Variants in HEXB observed in about 807,000 individuals in gnomAD.
HEXB encodes hexosaminidase subunit beta.
In HEXB, 51 loss-of-function variants were observed where a neutral mutation model predicts 71.2. That is an observed-to-expected ratio of 0.72 (90% CI 0.57 to 0.90). HEXB has a LOEUF of 0.90. Among genes scored for constraint, HEXB ranks in the 40% least tolerant of loss-of-function variants. The probability of loss-of-function intolerance (pLI) is 0.00; values close to 1 mark genes in which losing one functional copy is unlikely to be tolerated. For synonymous variants in HEXB, 266 were observed against 249.3 expected (o/e 1.07, Z -0.63); for missense variants, 617 against 677.0 (o/e 0.91, Z 0.98).
chr5:74,685,663 A>C (rs2112123461), intron 1 of HEXB, 104 bp downstream of exon 1: 3 of 1,032,664 alleles, frequency 2.9e-6, no homozygotes, highest in South Asian at 1.8e-5. Context: ...CAGACGAGAA[A>C]CCGCCTGGGA....
chr5:74,713,465 T>C (rs758874528), intron 6 of HEXB, 41 bp from the exon 7 acceptor site: 4 of 1,598,050 alleles, frequency 2.5e-6, no homozygotes, highest in Admixed American at 1.7e-5. Context: ...GGATCAAATC[T>C]ACGTTGTACA....
Position 74,661,005 on chromosome 5 carries a change from G to A in HEXB, c.-377+20447G>A, listed in dbSNP as rs1748308083. Reference sequence around the variant, plus strand: ...GGAACATGGCAACAAGAAATCCATGGGTCAGTGAGAGAGAGAGAGAGAGAG... The same window carrying A: ...GGAACATGGCAACAAGAAATCCATGAGTCAGTGAGAGAGAGAGAGAGAGAG... On this transcript the variant is annotated intron_variant, in intron 1 of 13. Coordinates refer to the HEXB transcript ENST00000511181. Among the ~76,000 whole-genome samples the A allele has an allele frequency of 2.0e-5, 3 of 152,094 alleles. 1 individual carries two copies. In the South Asian group the frequency reaches 6.2e-4, roughly 32 times the overall value.
chr5:74,676,674 G>A lies in HEXB; in HGVS notation c.-376-12654G>A, dbSNP rs183348364. ...CCAGCTACTCGGGAGGCTGAGGCAG[G>A]GGTAGTGCCTGAACCTGGGAGGCGG... On this transcript the variant is annotated intron_variant, in intron 1 of 13. Transcript: ENST00000511181. Among the ~76,000 whole-genome samples, 84 of 152,182 alleles carry A rather than the reference G, an allele frequency of 5.5e-4. 1 individual carries two copies. The highest frequency in any genetic ancestry group is 1.5e-3 in the Admixed American group (23 of 15,294).
chr5:74,705,788 A>C, intron 6 of HEXB: 1 of 202,078 alleles, frequency 4.9e-6, no homozygotes, highest in South Asian at 8.3e-5. Context: ...AATTGACTGT[A>C]TCATGGACCA....
At chr5:74,643,875 C>A (rs1747952977) in intron 1 of HEXB, among the ~76,000 whole-genome samples, 1 of 152,216 alleles carries the variant, frequency 6.6e-6, no homozygotes, top group African/African-American at 2.4e-5. Context: ...ATGTTCCCTG[C>A]TGGTATTCCA....
chr5:74,642,053 T>C (rs1747905934), intron 1 of HEXB, among the ~76,000 whole-genome samples: 1 of 151,970 alleles, frequency 6.6e-6, no homozygotes. Context: ...CGATTTAAAC[T>C]GGCTAAGGAG....
chr5:74,681,177 C>T (rs116024379), upstream of HEXB, among the ~76,000 whole-genome samples: 1,403 of 152,260 alleles, frequency 9.2e-3, 17 homozygotes, highest in African/African-American at 0.031. Flanking sequence ...TGTCTGGCAC[C>T]TTGTTGTTGG....
intron 1 of HEXB, among the ~76,000 whole-genome samples, chr5:74,678,632 AT>A (rs1188061756): frequency 4.6e-5 from 7 of 152,154 alleles, no homozygotes; most frequent in Non-Finnish European, 8.8e-5. Flanking sequence ...AAAAAAGGGA[AT>A]TTTTATCATC....
Position 74,720,727 on chromosome 5 carries a change from G to GCAC in HEXB, c.1595_1597dup (p.His532dup). 1 of 1,613,824 alleles carries GCAC rather than the reference G, an allele frequency of 6.2e-7. No individual in the cohort carries two copies. The highest frequency in any genetic ancestry group is 8.5e-7 in the Non-Finnish European group (1 of 1,179,718). ...ATGACGCCTATGACAGACTGACAAGGCACCGCTGCAGGATGGTCGAGTAAG... is the reference window on the plus strand; with the variant it reads ...ATGACGCCTATGACAGACTGACAAGGCACCACCGCTGCAGGATGGTCGAGTAAG... On this transcript the variant is annotated inframe_insertion, in exon 13 of 14. Coordinates refer to ENST00000261416, the MANE Select transcript of HEXB (RefSeq NM_000521.4).
At position 74,697,002 on chromosome 5, in the gene HEXB, A is replaced by G. The variant is rs762123301; in HGVS notation, c.565A>G (p.Ile189Val). Reference sequence around the variant, plus strand: ...AAATTTTATTTTGTCATAGTTCACCATCAATGAATCCACCATTATTGATTC... The same window carrying G: ...AAATTTTATTTTGTCATAGTTCACCGTCAATGAATCCACCATTATTGATTC... ...VYQDSYGTFT[I>V]NESTIIDSPR... The change falls in exon 5 of 14, where the codon ATC becomes GTC. Residue 189 changes from isoleucine (I) to valine (V), a missense_variant. Transcript: ENST00000261416. The G allele has an allele frequency of 7.8e-6, 12 of 1,533,526 alleles. No homozygotes were observed. In the Admixed American group the frequency reaches 8.3e-5, roughly 11 times the overall value. The allele number at this position is 1,533,526 out of a possible 1,614,324, so 95.0% of individuals were successfully genotyped here.
chr5:74,674,924 C>T (rs1284622971), intron 1 of HEXB, among the ~76,000 whole-genome samples: 1 of 152,130 alleles, frequency 6.6e-6, no homozygotes, highest in Non-Finnish European at 1.5e-5. Flanking sequence ...CTCTTTTCCT[C>T]ATTTCCCATA....
At chr5:74,649,519 T>A (rs1748064443) in intron 1 of HEXB, among the ~76,000 whole-genome samples, 1 of 152,254 alleles carries the variant, frequency 6.6e-6, no homozygotes. Context: ...GCTTAACCAC[T>A]GAACTACATT....
chr5:74,705,343 T>C (rs766938061), intron 6 of HEXB, 23 bp downstream of exon 6: 2 of 1,256,910 alleles, frequency 1.6e-6, no homozygotes, highest in African/African-American at 1.5e-5. Flanking sequence ...TATTGTACTC[T>C]GTCTACAAAA....
chr5:74,699,124 G>C (rs56329974), intron 5 of HEXB, among the ~76,000 whole-genome samples: 3 of 152,054 alleles, frequency 2.0e-5, no homozygotes, highest in Non-Finnish European at 4.4e-5. Flanking sequence ...AGGGAGGTTG[G>C]AGTGAGCCAA....
intron 1 of HEXB, among the ~76,000 whole-genome samples, chr5:74,678,084 G>C (rs973961032): frequency 2.6e-5 from 4 of 152,084 alleles, no homozygotes; most frequent in African/African-American, 9.7e-5. Flanking sequence ...ATCACCTGAG[G>C]TCAGGAGTTC....
intron 2 of HEXB, among the ~76,000 whole-genome samples, chr5:74,690,038 A>C (rs1016980795): frequency 7.9e-5 from 12 of 152,132 alleles, no homozygotes; most frequent in African/African-American, 2.9e-4. Flanking sequence ...ATCTGTATCC[A>C]TGATCTCTAT....
upstream of HEXB, chr5:74,685,181 T>A: frequency 7.2e-7 from 1 of 1,389,890 alleles, no homozygotes. Flanking sequence ...GCGGCCGCGC[T>A]TCCTCTGATC....
chr5:74,658,986 C>T lies in HEXB; in HGVS notation c.-377+18428C>T, dbSNP rs1580363039. On this transcript the variant is annotated intron_variant, in intron 1 of 13. Transcript: ENST00000511181. ...GGTATATCCCCACACCATGAGAAGACTGGAGCTTCTGCTCCAATATGTTTC... is the reference window on the plus strand; with the variant it reads ...GGTATATCCCCACACCATGAGAAGATTGGAGCTTCTGCTCCAATATGTTTC... Among the ~76,000 whole-genome samples the T allele has an allele frequency of 2.6e-5, 4 of 152,156 alleles. No homozygotes were observed. The South Asian group carries it at 8.3e-4, about 32-fold the overall frequency.
In HEXB at chr5:74,656,532, AAATAAAAT is replaced by A. The variant is rs1310472146; in HGVS notation, c.-377+15977_-377+15984del. ...AAATAAAATAAAATAAAATAAAATA[AAATAAAAT>A]AAAAGTCAGGAGAAGCAGATGAGGA... On this transcript the variant is annotated intron_variant, in intron 1 of 13. Coordinates refer to the HEXB transcript ENST00000511181. Among the ~76,000 whole-genome samples, 246 of 70,234 alleles carry A rather than the reference AAATAAAAT, an allele frequency of 3.5e-3. 4 individuals carry two copies. Among genetic ancestry groups the A allele is most frequent in the African/African-American group, 0.019 (228 of 11,748 alleles). The allele number at this position is 70,234 out of a possible 152,430, so 46.1% of individuals were successfully genotyped here.
Sources: allele counts gnomAD v4.1 joint callset (sites outside exome capture counted in the v4.1 genomes callset), GRCh38; gene constraint gnomAD v4.1.1; transcripts MANE v1.5; gene names NCBI Gene and HGNC (gene_info 2026-07-23, HGNC 2026-07-21).